Variants in RYR2 observed in about 807,000 individuals in gnomAD.
RYR2 encodes cardiac muscle ryanodine receptor-calcium release channel.
A neutral mutation model predicts 601.1 loss-of-function variants in RYR2; 227 were observed. That is an observed-to-expected ratio of 0.38 (90% CI 0.34 to 0.42). The LOEUF (loss-of-function observed/expected upper bound fraction) is 0.42, where lower values mean the gene tolerates loss of function less well. Ranked by LOEUF, RYR2 falls within the 10% of genes least tolerant of loss-of-function variation. The probability of loss-of-function intolerance (pLI) is 1.00; values close to 1 mark genes in which losing one functional copy is unlikely to be tolerated. For synonymous variants in RYR2, 2,223 were observed against 2,175.1 expected (o/e 1.02, Z -0.61); for missense variants, 4,646 against 6,156.5 (o/e 0.75, Z 8.21).
intron 3 of RYR2, among the ~76,000 whole-genome samples, chr1:237,333,786 G>A (rs1489041868): frequency 1.3e-5 from 2 of 152,028 alleles, no homozygotes; most frequent in East Asian, 3.9e-4. Context: ...CTATCTCCAG[G>A]TTAATAAATC....
At chr1:237,114,750 C>T (rs1193604752) in intron 1 of RYR2, among the ~76,000 whole-genome samples, 1 of 152,170 alleles carries the variant, frequency 6.6e-6, no homozygotes, top group African/African-American at 2.4e-5. Flanking sequence ...ACATCCCAGC[C>T]CTACCACCTT....
intron 1 of RYR2, among the ~76,000 whole-genome samples, chr1:237,247,626 T>C (rs562164253): frequency 2.0e-4 from 31 of 152,284 alleles, no homozygotes; most frequent in African/African-American, 7.5e-4. Flanking sequence ...CACCAGCCAT[T>C]GTGGCTCATC....
intron 1 of RYR2, among the ~76,000 whole-genome samples, chr1:237,074,713 TC>T: frequency 6.6e-6 from 1 of 152,328 alleles, no homozygotes; most frequent in East Asian, 1.9e-4. Flanking sequence ...TAGTCCTTCT[TC>T]GCCCAGTGTA....
intron 35 of RYR2, among the ~76,000 whole-genome samples, chr1:237,605,133 A>T (rs1308664044): frequency 6.6e-6 from 1 of 152,214 alleles, no homozygotes; most frequent in Non-Finnish European, 1.5e-5. Flanking sequence ...AAAGAACTTT[A>T]GACCAATATC....
intron 3 of RYR2, chr1:237,333,714 A>G (rs1696973535): frequency 2.2e-6 from 1 of 453,122 alleles, no homozygotes; most frequent in South Asian, 1.6e-5. Flanking sequence ...CTAGTGCCTT[A>G]TAATGTCCCC....
chr1:237,374,573 G>T, intron 6 of RYR2, 144 bp from the exon 7 acceptor site: 1 of 661,250 alleles, frequency 1.5e-6, no homozygotes, highest in Non-Finnish European at 2.8e-6. Flanking sequence ...TGGGATGACT[G>T]CTTGAGCCCA....
chr1:237,100,371 T>C (rs771271977), intron 1 of RYR2, among the ~76,000 whole-genome samples: 4 of 150,126 alleles, frequency 2.7e-5, no homozygotes, highest in African/African-American at 4.9e-5. Context: ...CCTCTTCCTC[T>C]TCTTCTTTTT....
rs146096584 is a variant in RYR2, at chr1:237,385,222, T to G, written c.577-2059T>G. ...TTTTTAATTTAATTGGTACATAATT[T>G]ATTTTATTGGTACAAAATATCACAT... On this transcript the variant is annotated intron_variant, in intron 8 of 104. Coordinates refer to ENST00000366574, the MANE Select transcript of RYR2 (RefSeq NM_001035.3). 3.8e-3 allele frequency among the ~76,000 whole-genome samples: 578 copies of G among 152,326 alleles called. 4 individuals carry two copies. The highest frequency in any genetic ancestry group is 0.013 in the African/African-American group (545 of 41,574).
intron 66 of RYR2, among the ~76,000 whole-genome samples, chr1:237,703,113 C>T (rs1688096474): frequency 6.6e-6 from 1 of 151,722 alleles, no homozygotes; most frequent in African/African-American, 2.4e-5. Context: ...TATTTTTATG[C>T]TTATTTCCCT....
chr1:237,064,680 T>G (rs1382943597), intron 1 of RYR2, among the ~76,000 whole-genome samples: 3 of 151,966 alleles, frequency 2.0e-5, no homozygotes, highest in African/African-American at 7.2e-5. Flanking sequence ...CTAGTAGGTA[T>G]AACTCTTCTG....
chr1:237,167,352 A>T (rs1230360823), intron 1 of RYR2, among the ~76,000 whole-genome samples: 1 of 152,206 alleles, frequency 6.6e-6, no homozygotes, highest in African/African-American at 2.4e-5. Context: ...ATAGAGCGAT[A>T]GTTATCACAT....
chr1:237,116,032 T>C (rs1670041014), intron 1 of RYR2, among the ~76,000 whole-genome samples: 1 of 152,194 alleles, frequency 6.6e-6, no homozygotes, highest in Non-Finnish European at 1.5e-5. Flanking sequence ...TGAAAGATGA[T>C]TTCAGGTGAT....
intron 17 of RYR2, among the ~76,000 whole-genome samples, chr1:237,484,068 C>T (rs984729180): frequency 4.6e-5 from 7 of 152,280 alleles, no homozygotes; most frequent in Admixed American, 3.9e-4. Flanking sequence ...AGCACTCAGC[C>T]GGAGTCTTCC....
chr1:237,511,669 A>T lies in RYR2; in HGVS notation c.2719-19A>T. ...TGGCATTGGAGACTATTTTATGTCA[A>T]TTTCCTGTCCTGTTTCAGGTTAGAG... is the stretch of plus-strand genomic sequence containing the variant. On this transcript the variant is annotated intron_variant, in intron 23 of 104. Coordinates refer to ENST00000366574, the MANE Select transcript of RYR2 (RefSeq NM_001035.3). The T allele has an allele frequency of 6.5e-7, 1 of 1,540,526 alleles. No homozygotes were observed. The highest frequency in any genetic ancestry group is 8.8e-7 in the Non-Finnish European group (1 of 1,135,326).
chr1:237,341,553 A>G, intron 3 of RYR2: 1 of 469,476 alleles, frequency 2.1e-6, no homozygotes, highest in South Asian at 1.5e-5. Flanking sequence ...TATCCCCATT[A>G]GAGTGTAAAT....
chr1:237,632,551 T>C lies in RYR2; in HGVS notation c.6555+1010T>C, dbSNP rs1392426463. Reference sequence around the variant, plus strand: ...CTGGGACTACAGGCGCCCACCACCATTCCCTGCTAATTTTTTTGGTATTTT... The same window carrying C: ...CTGGGACTACAGGCGCCCACCACCACTCCCTGCTAATTTTTTTGGTATTTT... On this transcript the variant is annotated intron_variant, in intron 42 of 104. Transcript: ENST00000366574. Among the ~76,000 whole-genome samples, 2 of 151,934 alleles carry C rather than the reference T, an allele frequency of 1.3e-5. 1 individual carries two copies. The highest frequency in any genetic ancestry group is 1.3e-4 in the Admixed American group (2 of 15,242).
rs1036926941 is a variant in RYR2, at chr1:237,387,344, G to C, written c.640G>C (p.Val214Leu). ...CGCTTTCCAGCAGACTCTCTGGAGC[G>C]TGGCCCCAATCAGCTCAGGAAGTGA... ...DAAFQQTLWS[V>L]APISSGSEAA... The change falls in exon 9 of 105, where the codon GTG becomes CTG. Residue 214 changes from valine (V) to leucine (L), a missense_variant. This residue lies in a region of RYR2 where 87 missense variants were observed against 144.7 expected (regional missense o/e 0.60). Transcript: ENST00000366574. The C allele has an allele frequency of 1.2e-6, 2 of 1,613,862 alleles. No individual in the cohort carries two copies. The highest frequency in any genetic ancestry group is 2.7e-5 in the African/African-American group (2 of 74,926).
chr1:237,765,447 C>A (rs1185013538), intron 84 of RYR2, among the ~76,000 whole-genome samples: 2 of 152,112 alleles, frequency 1.3e-5, no homozygotes, highest in East Asian at 3.9e-4. Context: ...TACCAATTAA[C>A]CTTCCCCACC....
intron 24 of RYR2, 42 bp downstream of exon 24, chr1:237,511,833 TGAA>T: frequency 6.9e-5 from 19 of 274,586 alleles, no homozygotes; most frequent in East Asian, 2.2e-4. Context: ...CTGCCTTCCC[TGAA>T]AAAAAAAAAA....
Sources: allele counts gnomAD v4.1 joint callset (sites outside exome capture counted in the v4.1 genomes callset), GRCh38; gene constraint gnomAD v4.1.1; regional missense constraint gnomAD v4.1.1; transcripts MANE v1.5; gene names NCBI Gene and HGNC (gene_info 2026-07-23, HGNC 2026-07-21).